ARMC6: variants seen among roughly 807,000 people sequenced by gnomAD.
The protein encoded by ARMC6 is armadillo repeat containing 6.
ARMC6 carries 43 observed loss-of-function variants against 49.2 expected under a neutral mutation model. The ratio of observed to expected loss-of-function variants is 0.87; its 90% CI spans 0.69 to 1.13. The LOEUF is 1.13. ARMC6 is among the 50% of genes most tolerant of loss of function. The probability of loss-of-function intolerance (pLI) is 0.00; values close to 1 mark genes in which losing one functional copy is unlikely to be tolerated. For synonymous variants in ARMC6, 262 were observed against 289.6 expected (o/e 0.90, Z 0.97); for missense variants, 627 against 682.0 (o/e 0.92, Z 0.90).
rs532771378 is a variant in ARMC6, at chr19:19,053,937, G to A, written c.854-215G>A. Among the ~76,000 whole-genome samples, 4 of 152,038 alleles carry A rather than the reference G, an allele frequency of 2.6e-5. No individual in the cohort carries two copies. In the East Asian group the frequency reaches 7.7e-4, roughly 29 times the overall value. ...TTTGGGGCATGATGGAAGGAAGCGGGTTGGGGGGCACATTCTTAAGTCTTC... is the reference window on the plus strand; with the variant it reads ...TTTGGGGCATGATGGAAGGAAGCGGATTGGGGGGCACATTCTTAAGTCTTC... On this transcript the variant is annotated intron_variant, in intron 5 of 8. Transcript: ENST00000535612.
Position 19,055,529 on chromosome 19 carries a change from C to A in ARMC6, c.1155+133C>A. 1 of 1,335,508 alleles carries A rather than the reference C, an allele frequency of 7.5e-7. No homozygotes were observed. 82.7% of individuals were successfully genotyped at this position (1,335,508 alleles called of 1,614,324 possible). A position where few individuals can be genotyped will look rare whatever the true frequency, so the allele number is the denominator to read the frequency against. ...GGTGAGGGTCGTGGGCATTGGCTCT[C>A]AAATGCTGACCTGCGTATGCATGAC... On this transcript the variant is annotated intron_variant, in intron 7 of 8. Coordinates refer to ENST00000535612, the MANE Select transcript of ARMC6 (RefSeq NM_001199196.2). The surrounding 1 kb of genome is among the most constrained non-coding windows in gnomAD (Gnocchi z 5.7).
intron 2 of ARMC6, among the ~76,000 whole-genome samples, chr19:19,038,731 A>G (rs927405993): frequency 6.6e-6 from 1 of 151,386 alleles, no homozygotes; most frequent in Non-Finnish European, 1.5e-5. Flanking sequence ...GCGCCCCACT[A>G]ATTTTTGTAT....
At chr19:19,057,120 G>C (rs2059551055) in intron 8 of ARMC6, among the ~76,000 whole-genome samples, 1 of 152,238 alleles carries the variant, frequency 6.6e-6, no homozygotes. Flanking sequence ...CCTTGGCTCT[G>C]TGCCAGCCTC....
At chr19:19,047,131 T>C (rs1195697162) in intron 4 of ARMC6, among the ~76,000 whole-genome samples, 12 of 152,034 alleles carry the variant, frequency 7.9e-5, no homozygotes, top group Non-Finnish European at 1.8e-4. Context: ...TTTTAAATTT[T>C]ATTTTTCATT....
At chr19:19,048,263 T>G (rs1023635523) in intron 4 of ARMC6, among the ~76,000 whole-genome samples, 5 of 152,154 alleles carry the variant, frequency 3.3e-5, no homozygotes, top group Non-Finnish European at 5.9e-5. Context: ...GGAGAATTGC[T>G]TGAACCCGGG....
At chr19:19,042,323 G>T (rs942570191) in intron 2 of ARMC6, among the ~76,000 whole-genome samples, 1 of 152,098 alleles carries the variant, frequency 6.6e-6, no homozygotes, top group Admixed American at 6.6e-5. Flanking sequence ...TAGATAAAAT[G>T]TAGTAAACTC....
At chr19:19,050,434 T>G (rs2059486684) in intron 4 of ARMC6, among the ~76,000 whole-genome samples, 1 of 152,224 alleles carries the variant, frequency 6.6e-6, no homozygotes, top group Non-Finnish European at 1.5e-5. Flanking sequence ...CAGGCGAGTC[T>G]TGAACTCCTG....
At chr19:19,050,153 T>A (rs965544414) in intron 4 of ARMC6, among the ~76,000 whole-genome samples, 3 of 152,176 alleles carry the variant, frequency 2.0e-5, no homozygotes, top group Non-Finnish European at 2.9e-5. Flanking sequence ...TTTGTTGTCA[T>A]TGTAGTGTTT....
intron 2 of ARMC6, among the ~76,000 whole-genome samples, chr19:19,041,474 G>A (rs568536994): frequency 6.6e-6 from 1 of 151,742 alleles, no homozygotes; most frequent in Non-Finnish European, 1.5e-5. Context: ...TCAGCCTCCC[G>A]AGTGGCTGGG....
intron 4 of ARMC6, 142 bp downstream of exon 4, chr19:19,044,216 G>A (rs2059431763): frequency 2.4e-6 from 2 of 829,826 alleles, no homozygotes; most frequent in East Asian, 5.3e-5. Flanking sequence ...TTTGCAGCCA[G>A]GTCTCCCTGA....
chr19:19,045,503 T>TTTTTTTTTTTTTTTTTTTC (rs1179872355), intron 4 of ARMC6, among the ~76,000 whole-genome samples: 1 of 141,112 alleles, frequency 7.1e-6, no homozygotes, highest in African/African-American at 2.8e-5. Flanking sequence ...CTTTTTTTTT[T>TTTTTTTTTTTTTTTTTTTC]TGAGACAAGA....
intron 2 of ARMC6, among the ~76,000 whole-genome samples, chr19:19,035,021 C>T (rs1568485152): frequency 6.6e-6 from 1 of 152,158 alleles, no homozygotes; most frequent in Admixed American, 6.5e-5. Context: ...GCCACCACGC[C>T]CGGCTAGTTT....
chr19:19,037,469 C>T, intron 2 of ARMC6: 2 of 383,370 alleles, frequency 5.2e-6, no homozygotes, highest in Non-Finnish European at 1.0e-5. Flanking sequence ...CTTGACCTCC[C>T]TGGGCTCCCA....
chr19:19,034,751 G>A (rs2059333407), intron 2 of ARMC6, among the ~76,000 whole-genome samples: 1 of 151,454 alleles, frequency 6.6e-6, no homozygotes, highest in Non-Finnish European at 1.5e-5. Context: ...ACCGCACCTG[G>A]CTAAATTTTG....
At position 19,058,017 on chromosome 19, in the gene ARMC6, C is replaced by T; in HGVS notation, c.*389C>T. 2 of 341,940 alleles carry T rather than the reference C, an allele frequency of 5.8e-6. No homozygotes were observed. Among genetic ancestry groups the T allele is most frequent in the South Asian group, 5.1e-5 (2 of 39,280 alleles). 21.2% of individuals were successfully genotyped at this position (341,940 alleles called of 1,614,324 possible). A position where few individuals can be genotyped will look rare whatever the true frequency, so the allele number is the denominator to read the frequency against. Reference sequence around the variant, plus strand: ...TCCAGTGGGGTTGGGCCCCCTGGCGCCTGCTGCTTACTGCAGTTTCATGCA... The same window carrying T: ...TCCAGTGGGGTTGGGCCCCCTGGCGTCTGCTGCTTACTGCAGTTTCATGCA... On this transcript the variant is annotated 3_prime_UTR_variant, in exon 9 of 9. Coordinates refer to ENST00000535612, the MANE Select transcript of ARMC6 (RefSeq NM_001199196.2).
chr19:19,042,380 A>G (rs1403361391), intron 2 of ARMC6, among the ~76,000 whole-genome samples: 1 of 150,582 alleles, frequency 6.6e-6, no homozygotes, highest in Non-Finnish European at 1.5e-5. Context: ...ACAGGGTCTC[A>G]CTCTGTGGCC....
At chr19:19,053,063 T>G (rs1388097312) in intron 5 of ARMC6, among the ~76,000 whole-genome samples, 1 of 152,222 alleles carries the variant, frequency 6.6e-6, no homozygotes, top group Non-Finnish European at 1.5e-5. Context: ...TTATGGCAAG[T>G]CTGTACTCCA....
At chr19:19,051,429 C>T (rs907002347) in intron 4 of ARMC6, among the ~76,000 whole-genome samples, 193 bp from the exon 5 acceptor site, 1 of 148,868 alleles carries the variant, frequency 6.7e-6, no homozygotes, top group African/African-American at 2.5e-5. Context: ...GTCTTCCACG[C>T]TATGGCCTCT....
Position 19,051,893 on chromosome 19 carries a change from C to T in ARMC6, c.551C>T (p.Thr184Met), listed in dbSNP as rs763998520. 1.1e-5 allele frequency: 17 copies of T among 1,614,002 alleles called. No homozygotes were observed. Among genetic ancestry groups the T allele is most frequent in the Middle Eastern group, 3.3e-4 (2 of 6,082 alleles). The change falls in exon 5 of 9, where the codon ACG becomes ATG. Residue 184 changes from threonine (T) to methionine (M), a missense_variant. Transcript: ENST00000535612. The stretch of plus-strand genomic sequence containing the variant: ...CAGGGCCTGCAGCTCCTAGTGGCCA[C>T]GCTGACCCAGAATGCTGATGAGGCT... ...DAQGLQLLVA[T>M]LTQNADEADL...
Sources: allele counts gnomAD v4.1 joint callset (sites outside exome capture counted in the v4.1 genomes callset), GRCh38; gene constraint gnomAD v4.1.1; non-coding constraint Gnocchi (gnomAD v3.1); transcripts MANE v1.5; gene names NCBI Gene and HGNC (gene_info 2026-07-23, HGNC 2026-07-21).